Variants in CPA6 observed in about 807,000 individuals in gnomAD.
CPA6 encodes carboxypeptidase B.
CPA6 carries 58 observed loss-of-function variants against 63.3 expected under a neutral mutation model. The observed-to-expected ratio is 0.92, with a 90% CI of 0.74 to 1.14. The LOEUF is 1.14. Ranked by LOEUF, CPA6 falls within the 50% of genes most tolerant of loss-of-function variation. CPA6 has a pLI of 0.00. For missense variants in CPA6, 565 were observed against 526.6 expected (o/e 1.07, Z -0.71); for synonymous variants, 185 against 179.0 (o/e 1.03, Z -0.27).
chr8:67,733,203 AAAAAAAAAAAAAAAAAAAAAAT>A (rs1817743827), intron 1 of CPA6, among the ~76,000 whole-genome samples: 3 of 121,562 alleles, frequency 2.5e-5, no homozygotes, highest in Admixed American at 8.2e-5. Context: ...TCTCAAAAAA[AAAAAAAAAAAAAAAAAAAAAAT>A]AAAAAAATTT....
intron 8 of CPA6, among the ~76,000 whole-genome samples, chr8:67,442,569 C>T (rs552521737): frequency 2.6e-5 from 4 of 152,174 alleles, no homozygotes; most frequent in Admixed American, 6.5e-5. Context: ...AGGCAAGAGA[C>T]ATTTGGTAGT....
At chr8:67,465,865 G>A (rs1339669334) in intron 8 of CPA6, among the ~76,000 whole-genome samples, 1 of 152,054 alleles carries the variant, frequency 6.6e-6, no homozygotes, top group Non-Finnish European at 1.5e-5. Context: ...CTAGTATTTT[G>A]TTAAGGATTT....
At chr8:67,530,045 C>A (rs1056213102) in intron 2 of CPA6, among the ~76,000 whole-genome samples, 1 of 152,038 alleles carries the variant, frequency 6.6e-6, no homozygotes, top group Non-Finnish European at 1.5e-5. Flanking sequence ...TTAATAAGTG[C>A]AATTGATGTT....
chr8:67,508,781 G>A (rs1012183334), intron 5 of CPA6, among the ~76,000 whole-genome samples: 1 of 152,130 alleles, frequency 6.6e-6, no homozygotes, highest in Non-Finnish European at 1.5e-5. Flanking sequence ...AAAGAATAGA[G>A]AGCTATAGGT....
chr8:67,688,383 C>T (rs1326698842), intron 1 of CPA6, among the ~76,000 whole-genome samples: 2 of 152,016 alleles, frequency 1.3e-5, no homozygotes, highest in Non-Finnish European at 2.9e-5. Flanking sequence ...AAGGGAACAC[C>T]CCTTGATTCT....
intron 8 of CPA6, among the ~76,000 whole-genome samples, chr8:67,481,845 C>T (rs142265790): frequency 6.6e-6 from 1 of 152,212 alleles, no homozygotes; most frequent in South Asian, 2.1e-4. Context: ...TCACACTTGG[C>T]TGCCTGCCTA....
At chr8:67,662,109 G>A (rs1054889425) in intron 1 of CPA6, among the ~76,000 whole-genome samples, 1 of 152,286 alleles carries the variant, frequency 6.6e-6, no homozygotes. Flanking sequence ...GAGGCAGGTA[G>A]TTGAAAACAG....
intron 8 of CPA6, among the ~76,000 whole-genome samples, chr8:67,453,099 G>C (rs1268538890): frequency 6.6e-6 from 1 of 152,148 alleles, no homozygotes; most frequent in Non-Finnish European, 1.5e-5. Context: ...AGGATGGAGA[G>C]TGTGTGTTTG....
intron 2 of CPA6, among the ~76,000 whole-genome samples, chr8:67,538,079 T>C (rs1278392190): frequency 6.6e-6 from 1 of 152,198 alleles, no homozygotes; most frequent in East Asian, 1.9e-4. Flanking sequence ...TTCTTTTGCA[T>C]TTGCTGAGGA....
rs199809258 is a variant in CPA6 at position 67,511,554 on chromosome 8, T to C, written c.419A>G (p.His140Arg). 3.2e-6 allele frequency: 5 copies of C among 1,585,830 alleles called. No homozygotes were observed. In the East Asian group the frequency reaches 1.1e-4, roughly 35 times the overall value. Residue 140 changes from histidine (H) to arginine (R), a missense_variant, in exon 4 of 11, where the codon CAC (histidine) becomes CGC (arginine). His to Arg is a conservative substitution (Grantham distance 29, BLOSUM62 0). Transcript: ENST00000297770. ...SLSGYNYEVYHSLEEIQNWMH... is the reference protein window; with the variant it reads ...SLSGYNYEVYRSLEEIQNWMH... ...TTGATTACATACTTCTTCTAAGGAGTGATAAACTTCATAATTATATCCAGA... is the reference window on the plus strand; with the variant it reads ...TTGATTACATACTTCTTCTAAGGAGCGATAAACTTCATAATTATATCCAGA...
intron 8 of CPA6, among the ~76,000 whole-genome samples, chr8:67,449,149 G>A (rs1174888760): frequency 2.0e-5 from 3 of 152,144 alleles, no homozygotes; most frequent in Non-Finnish European, 4.4e-5. Context: ...CTACTCAAGA[G>A]GCTGAGGCAT....
rs1277732486 is a variant in CPA6, at chr8:67,688,978, T to TTAA, written c.116+57035_116+57036insTTA. Among the ~76,000 whole-genome samples the TTAA allele has an allele frequency of 2.6e-5, 4 of 151,834 alleles. No individual in the cohort carries two copies. In the East Asian group the frequency reaches 7.7e-4, roughly 29 times the overall value. On this transcript the variant is annotated intron_variant, in intron 1 of 10. Transcript: ENST00000297770. ...TGTTGTTGTAATCCTATTATTGTTA[T>TTAA]TATTATTATTATTATTTTTTAGATG...
intron 1 of CPA6, among the ~76,000 whole-genome samples, chr8:67,649,546 T>C (rs558436679): frequency 2.6e-5 from 4 of 152,328 alleles, no homozygotes; most frequent in Non-Finnish European, 4.4e-5. Context: ...GTATATTTGA[T>C]TCTTTCTATT....
At chr8:67,704,645 T>G (rs1817094386) in intron 1 of CPA6, among the ~76,000 whole-genome samples, 1 of 152,140 alleles carries the variant, frequency 6.6e-6, no homozygotes, top group Non-Finnish European at 1.5e-5. Context: ...GGGGCTTCTG[T>G]TCATTCCAGT....
At chr8:67,449,006 C>G (rs963502168) in intron 8 of CPA6, among the ~76,000 whole-genome samples, 3 of 152,098 alleles carry the variant, frequency 2.0e-5, no homozygotes, top group Non-Finnish European at 4.4e-5. Context: ...AATCCCAGCA[C>G]TTTGGGAGGC....
intron 1 of CPA6, among the ~76,000 whole-genome samples, chr8:67,627,422 T>C (rs1479631703): frequency 6.6e-6 from 1 of 152,214 alleles, no homozygotes; most frequent in East Asian, 1.9e-4. Context: ...CTTTTCCTTA[T>C]AACTTATCAG....
At chr8:67,541,225 G>A (rs10429329) in intron 2 of CPA6, among the ~76,000 whole-genome samples, 48,276 of 152,036 alleles carry the variant, frequency 0.32, 8,080 homozygotes, top group African/African-American at 0.41. Flanking sequence ...CATGGGGAAA[G>A]CACAGTATCT....
At chr8:67,443,487 GT>G (rs1040368648) in intron 8 of CPA6, among the ~76,000 whole-genome samples, 10 of 151,548 alleles carry the variant, frequency 6.6e-5, no homozygotes, top group African/African-American at 2.2e-4. Flanking sequence ...TAACTGTGAA[GT>G]TTTTTTTTAA....
At chr8:67,568,972 A>G (rs774523874) in intron 2 of CPA6, among the ~76,000 whole-genome samples, 1 of 152,204 alleles carries the variant, frequency 6.6e-6, no homozygotes, top group Non-Finnish European at 1.5e-5. Flanking sequence ...GCTGGTCTCA[A>G]GCTCCTGACC....
Sources: allele counts gnomAD v4.1 joint callset (sites outside exome capture counted in the v4.1 genomes callset), GRCh38; gene constraint gnomAD v4.1.1; transcripts MANE v1.5; gene names NCBI Gene and HGNC (gene_info 2026-07-23, HGNC 2026-07-21).